The following KCTD1 variants were observed in gnomAD, a reference collection of about 807,000 sequenced individuals.
KCTD1 encodes the protein BTB/POZ domain-containing protein KCTD1.
KCTD1 carries 24 observed loss-of-function variants against 66.0 expected under a neutral mutation model. That is an observed-to-expected ratio of 0.36 (90% CI 0.26 to 0.51). The LOEUF (loss-of-function observed/expected upper bound fraction) is 0.51. Among genes scored for constraint, KCTD1 ranks in the 20% least tolerant of loss-of-function variants. KCTD1 has a pLI of 0.95. For synonymous variants in KCTD1, 511 were observed against 517.2 expected, an observed-to-expected ratio of 0.99 and a Z score of 0.16; for missense variants, 943 against 1,205.2, an observed-to-expected ratio of 0.78 and a Z score of 3.22.
chr18:26,642,665 A>T (rs1375955060), upstream of KCTD1, among the ~76,000 whole-genome samples: 2 of 152,236 alleles, frequency 1.3e-5, no homozygotes, highest in Non-Finnish European at 2.9e-5. Context: ...GGATTCAGTG[A>T]CAGGCAGAGA....
At position 26,622,175 on chromosome 18, in the gene KCTD1, C is replaced by T. The variant is rs542991584; in HGVS notation, c.-16+6972G>A. Reference sequence around the variant, plus strand: ...TGTCTAAATTCTCTACTAAAGATCACAGAAGTAAGAAAAAAAAAGAGGGTG... The same window carrying T: ...TGTCTAAATTCTCTACTAAAGATCATAGAAGTAAGAAAAAAAAAGAGGGTG... On this transcript the variant is annotated intron_variant, in intron 1 of 4. Transcript: ENST00000317932. Among the ~76,000 whole-genome samples, 13 of 151,618 alleles carry T rather than the reference C, an allele frequency of 8.6e-5. No homozygotes were observed. The South Asian group carries it at 2.7e-3, about 32-fold the overall frequency.
intron 1 of KCTD1, among the ~76,000 whole-genome samples, chr18:26,612,411 T>C (rs1011121536): frequency 1.7e-4 from 26 of 152,182 alleles, no homozygotes; most frequent in Non-Finnish European, 7.3e-5. Flanking sequence ...AGGGTCTTTA[T>C]TGAGATAATC....
At chr18:26,548,832 GA>G (rs201755216), upstream of KCTD1, 1,769 of 955,102 alleles carry the variant, frequency 1.9e-3, 2 homozygotes, top group Non-Finnish European at 1.9e-3. Context: ...AACTTTGAAG[GA>G]AAAAAAAAAG....
At chr18:26,648,248 G>A (rs993589043) in intron 1 of KCTD1, among the ~76,000 whole-genome samples, 1 of 152,164 alleles carries the variant, frequency 6.6e-6, no homozygotes, top group Non-Finnish European at 1.5e-5. Context: ...CCAAATCTCT[G>A]CAGGCCATTC....
chr18:26,651,778 G>A (rs867917364), intron 1 of KCTD1, among the ~76,000 whole-genome samples: 57 of 100,702 alleles, frequency 5.7e-4, no homozygotes, highest in African/African-American at 2.5e-3. Context: ...AGCAAAACTC[G>A]GTCTCAAAAA....
chr18:26,585,182 G>T (rs1472838301), intron 1 of KCTD1, among the ~76,000 whole-genome samples: 2 of 152,110 alleles, frequency 1.3e-5, no homozygotes, highest in African/African-American at 4.8e-5. Flanking sequence ...GTGTAGCCAG[G>T]ACCTCTATCT....
intron 1 of KCTD1, among the ~76,000 whole-genome samples, chr18:26,617,158 G>A (rs376189240): frequency 2.6e-4 from 40 of 152,236 alleles, no homozygotes; most frequent in African/African-American, 9.6e-4. Context: ...TGTGAGTAGT[G>A]GACTCATGCA....
At position 26,502,560 on chromosome 18, in the gene KCTD1, T is replaced by C. The variant is rs1982819767; in HGVS notation, c.1810-1310A>G. Reference sequence around the variant, plus strand: ...ATGGATACAATATAAATATTTCAAATGCTATCAAAACACGGTTGTTTGCTT... The same window carrying C: ...ATGGATACAATATAAATATTTCAAACGCTATCAAAACACGGTTGTTTGCTT... On this transcript the variant is annotated intron_variant, in intron 1 of 4. Coordinates refer to ENST00000580059, the MANE Select transcript of KCTD1 (RefSeq NM_001142730.3). 3.3e-5 allele frequency among the ~76,000 whole-genome samples: 5 copies of C among 152,280 alleles called. No homozygotes were observed. In the South Asian group the frequency reaches 8.3e-4, roughly 25 times the overall value.
chr18:26,595,139 A>C (rs1282948856), intron 1 of KCTD1, among the ~76,000 whole-genome samples: 3 of 152,140 alleles, frequency 2.0e-5, no homozygotes, highest in Non-Finnish European at 4.4e-5. Flanking sequence ...TTAGACATTA[A>C]GTTGAAAGTC....
chr18:26,641,487 T>G (rs915331682), upstream of KCTD1, among the ~76,000 whole-genome samples: 7 of 152,214 alleles, frequency 4.6e-5, no homozygotes, highest in Non-Finnish European at 7.3e-5. Context: ...ATTTTGCTAC[T>G]CTTCACAGGC....
intron 2 of KCTD1, among the ~76,000 whole-genome samples, chr18:26,496,605 A>C (rs1354000709): frequency 6.6e-6 from 1 of 152,148 alleles, no homozygotes; most frequent in East Asian, 1.9e-4. Context: ...TAATTTGAAA[A>C]CTTTAGTCCC....
At chr18:26,477,487 T>C (rs1485015358) in intron 2 of KCTD1, among the ~76,000 whole-genome samples, 2 of 152,236 alleles carry the variant, frequency 1.3e-5, no homozygotes, top group African/African-American at 4.8e-5. Context: ...AAGGTGGTCA[T>C]ATCTATACTG....
chr18:26,656,810 G>C (rs1033621161), intron 1 of KCTD1, among the ~76,000 whole-genome samples: 17 of 150,580 alleles, frequency 1.1e-4, no homozygotes, highest in African/African-American at 3.9e-4. Flanking sequence ...GCGCCCCCGC[G>C]GCGCTGGGCG....
chr18:26,568,628 T>A (rs1047891822), intron 1 of KCTD1, among the ~76,000 whole-genome samples: 1 of 152,124 alleles, frequency 6.6e-6, no homozygotes, highest in African/African-American at 2.4e-5. Context: ...AATCATTGCA[T>A]CTAAAACCGT....
chr18:26,522,595 T>G (rs1983965718), intron 1 of KCTD1, among the ~76,000 whole-genome samples: 1 of 152,194 alleles, frequency 6.6e-6, no homozygotes, highest in African/African-American at 2.4e-5. Context: ...TACATAGGAT[T>G]AGACACTTCA....
intron 1 of KCTD1, among the ~76,000 whole-genome samples, chr18:26,637,869 A>C (rs1443337429): frequency 6.6e-6 from 1 of 152,168 alleles, no homozygotes; most frequent in Non-Finnish European, 1.5e-5. Context: ...CTTTCCTCAA[A>C]GGTTGTTGTG....
intron 1 of KCTD1, among the ~76,000 whole-genome samples, chr18:26,590,588 G>T (rs1226808933): frequency 1.3e-5 from 2 of 151,966 alleles, no homozygotes; most frequent in Non-Finnish European, 2.9e-5. Flanking sequence ...AACTTAACCA[G>T]GCCTTCTTTT....
chr18:26,559,953 C>T (rs933346989), intron 1 of KCTD1, among the ~76,000 whole-genome samples: 24 of 152,136 alleles, frequency 1.6e-4, no homozygotes, highest in African/African-American at 5.8e-4. Context: ...TACAAGTTCT[C>T]GGATTTGCAT....
intron 4 of KCTD1, 57 bp from the exon 5 acceptor site, chr18:26,455,958 T>TAA: frequency 1.9e-6 from 3 of 1,547,476 alleles, no homozygotes; most frequent in Non-Finnish European, 2.6e-6. Flanking sequence ...TATGGCTACA[T>TAA]AAACACCCCA....
Sources: allele counts gnomAD v4.1 joint callset (sites outside exome capture counted in the v4.1 genomes callset), GRCh38; gene constraint gnomAD v4.1.1; transcripts MANE v1.5; gene names NCBI Gene and HGNC (gene_info 2026-07-23, HGNC 2026-07-21).